Variants in PCDHGB1 observed in about 807,000 individuals in gnomAD.
The protein encoded by PCDHGB1 is protocadherin gamma-B1.
Under a neutral mutation model 56.6 loss-of-function variants are expected in PCDHGB1, and 34 were observed. That is an observed-to-expected ratio of 0.60 (90% confidence interval 0.46 to 0.80). PCDHGB1 has a LOEUF of 0.80. Ranked by LOEUF, PCDHGB1 falls within the 30% of genes least tolerant of loss-of-function variation. The pLI is 0.00. For missense variants in PCDHGB1, 1,278 were observed against 1,204.6 expected (o/e 1.06, Z -0.90); for synonymous variants, 561 against 505.9 (o/e 1.11, Z -1.46).
At chr5:141,388,018 C>A (rs528825785) in intron 1 of PCDHGB1, 2 of 1,460,562 alleles carry the variant, frequency 1.4e-6, no homozygotes, top group African/African-American at 2.9e-5. Flanking sequence ...CCCAAGGGCT[C>A]CGTAGTGGGG....
chr5:141,425,661 C>A (rs993314865), intron 1 of PCDHGB1, among the ~76,000 whole-genome samples: 5 of 152,184 alleles, frequency 3.3e-5, no homozygotes, highest in Admixed American at 3.3e-4. Context: ...ATTATCTGCA[C>A]ATCAGATTGA....
intron 1 of PCDHGB1, chr5:141,370,669 G>C (rs370792537): frequency 6.2e-7 from 1 of 1,613,908 alleles, no homozygotes; most frequent in Admixed American, 1.7e-5. Context: ...CGTATAGACC[G>C]AGAGGAGATT....
In PCDHGB1 at chr5:141,427,684, C is replaced by T. The variant is rs765112627; in HGVS notation, c.2410-67123C>T. 3.6e-6 allele frequency: 3 copies of T among 841,720 alleles called. No individual in the cohort carries two copies. In the Admixed American group the frequency reaches 5.8e-5, roughly 16 times the overall value. 52.1% of individuals were successfully genotyped at this position (841,720 alleles called of 1,614,324 possible). A position where few individuals can be genotyped will look rare whatever the true frequency, so the allele number is the denominator to read the frequency against. On this transcript the variant is annotated intron_variant, in intron 1 of 3. Transcript: ENST00000523390. The stretch of plus-strand genomic sequence containing the variant: ...GTGGCCGAAAACAACCTTCCCGGAG[C>T]CTCCATCCCACAAGTCAGCGCCTCT...
In PCDHGB1 at chr5:141,477,787, C is replaced by A; in HGVS notation, c.2410-17020C>A. The stretch of plus-strand genomic sequence containing the variant: ...CCAACATCAGCGTGAACATATTTGT[C>A]ACTGATCGCAATGACAATGCCCCCC... On this transcript the variant is annotated intron_variant, in intron 1 of 3. Transcript: ENST00000523390. The surrounding 1 kb of genome is among the most constrained non-coding windows in gnomAD (Gnocchi z 4.9). The A allele has an allele frequency of 6.2e-7, 1 of 1,614,092 alleles. No homozygotes were observed. The highest frequency in any genetic ancestry group is 8.5e-7 in the Non-Finnish European group (1 of 1,180,034).
chr5:141,383,234 A>G, intron 1 of PCDHGB1: 2 of 1,613,960 alleles, frequency 1.2e-6, no homozygotes, highest in Non-Finnish European at 1.7e-6. Flanking sequence ...CTGATGGAAG[A>G]TAAAATGAAT....
chr5:141,373,689 C>T (rs575785726), intron 1 of PCDHGB1, among the ~76,000 whole-genome samples: 2 of 152,314 alleles, frequency 1.3e-5, no homozygotes, highest in East Asian at 1.9e-4. Context: ...CTTCAGAGAA[C>T]ATTTAAAATT....
chr5:141,450,258 T>A (rs1267755848), intron 1 of PCDHGB1, among the ~76,000 whole-genome samples: 1 of 152,096 alleles, frequency 6.6e-6, no homozygotes, highest in Non-Finnish European at 1.5e-5. Context: ...CCTCAAGTGA[T>A]CTGCCCACCT....
chr5:141,387,317 A>C (rs149989100), intron 1 of PCDHGB1, among the ~76,000 whole-genome samples: 9 of 152,348 alleles, frequency 5.9e-5, no homozygotes, highest in African/African-American at 1.4e-4. Flanking sequence ...CTAATGAGTA[A>C]GTATGGAAAA....
chr5:141,425,337 G>A (rs1327677274), intron 1 of PCDHGB1, among the ~76,000 whole-genome samples: 1 of 152,186 alleles, frequency 6.6e-6, no homozygotes. Flanking sequence ...AAAAAGGAAG[G>A]GTTGGCTTTG....
At chr5:141,405,757 C>T (rs754575292) in intron 1 of PCDHGB1, among the ~76,000 whole-genome samples, 13 of 152,264 alleles carry the variant, frequency 8.5e-5, no homozygotes, top group East Asian at 3.9e-4. Context: ...GGATTACAGG[C>T]GTGAGCCACT....
At position 141,431,516 on chromosome 5, in the gene PCDHGB1, G is replaced by C. The variant is rs941913367; in HGVS notation, c.2410-63291G>C. 3.1e-6 allele frequency: 5 copies of C among 1,613,954 alleles called. No homozygotes were observed. In the African/African-American group the frequency reaches 6.7e-5, roughly 22 times the overall value. On this transcript the variant is annotated intron_variant, in intron 1 of 3. Coordinates refer to ENST00000523390, the MANE Select transcript of PCDHGB1 (RefSeq NM_018922.3). This position sits in a 1 kb window ranked among gnomAD's most constrained non-coding sequence, Gnocchi z 4.8. ...GCCCGAGTACCGCGCGAGCGTTCCG[G>C]AGAATCTGGCCTTGGGCACGCAGCT... is the stretch of plus-strand genomic sequence containing the variant.
At chr5:141,488,236 T>G (rs1333427955) in intron 1 of PCDHGB1, among the ~76,000 whole-genome samples, 2 of 152,154 alleles carry the variant, frequency 1.3e-5, no homozygotes, top group Non-Finnish European at 2.9e-5. Context: ...TTGAACTAGA[T>G]GCGGTAAATT....
intron 2 of PCDHGB1, among the ~76,000 whole-genome samples, chr5:141,496,500 C>T (rs1350421492): frequency 6.6e-6 from 1 of 152,162 alleles, no homozygotes; most frequent in Non-Finnish European, 1.5e-5. Flanking sequence ...ACCCTTGTTG[C>T]CACAAGGACC....
Position 141,374,841 on chromosome 5 carries a change from A to T in PCDHGB1, c.2409+22172A>T, listed in dbSNP as rs1770885287. 8 of 1,613,862 alleles carry T rather than the reference A, an allele frequency of 5.0e-6. No individual in the cohort carries two copies. The East Asian group carries it at 1.8e-4, about 36-fold the overall frequency. ...CCTGTCTACCGTGTAAGTGTTCCTGAAAACCTGCCAGTAGGCACACCAGTG... is the reference window on the plus strand; with the variant it reads ...CCTGTCTACCGTGTAAGTGTTCCTGTAAACCTGCCAGTAGGCACACCAGTG... On this transcript the variant is annotated intron_variant, in intron 1 of 3. Coordinates refer to ENST00000523390, the MANE Select transcript of PCDHGB1 (RefSeq NM_018922.3).
intron 1 of PCDHGB1, among the ~76,000 whole-genome samples, chr5:141,492,593 A>T (rs907659087): frequency 1.3e-5 from 2 of 152,100 alleles, no homozygotes; most frequent in African/African-American, 4.8e-5. Context: ...GGAGCGCTGG[A>T]GCGACTGCCG....
intron 1 of PCDHGB1, chr5:141,364,485 T>C (rs1357301419): frequency 6.2e-7 from 1 of 1,614,028 alleles, no homozygotes; most frequent in Admixed American, 1.7e-5. Flanking sequence ...GCCAAGGACC[T>C]TGGGCTGGAG....
chr5:141,381,583 A>G (rs766567706), intron 1 of PCDHGB1, among the ~76,000 whole-genome samples: 1 of 152,214 alleles, frequency 6.6e-6, no homozygotes, highest in Non-Finnish European at 1.5e-5. Context: ...CAGCCAATCC[A>G]TTATCCAGTT....
intron 1 of PCDHGB1, chr5:141,430,960 C>T (rs2097330619): frequency 6.2e-7 from 1 of 1,612,432 alleles, no homozygotes; most frequent in Non-Finnish European, 8.5e-7. Context: ...TCCGCATCAT[C>T]CCCAGAGGTA....
chr5:141,418,125 G>C, intron 1 of PCDHGB1: 1 of 1,614,086 alleles, frequency 6.2e-7, no homozygotes. Flanking sequence ...GTGAAGGACC[G>C]AATAGACCGT....
Sources: gnomAD v4.1 joint callset for allele counts (sites outside exome capture counted in the v4.1 genomes callset) on GRCh38, gnomAD v4.1.1 for gene constraint, Gnocchi (gnomAD v3.1) non-coding constraint, MANE v1.5 for transcripts, NCBI Gene and HGNC (gene_info 2026-07-23, HGNC 2026-07-21) for gene names.